Variants in PCDH7 observed in about 807,000 individuals in gnomAD.
PCDH7 encodes protocadherin-7.
A neutral mutation model predicts 58.9 loss-of-function variants in PCDH7; 17 were observed. That is an observed-to-expected ratio of 0.29 (90% CI 0.20 to 0.43). PCDH7 has a LOEUF of 0.43. Among genes scored for constraint, PCDH7 ranks in the 20% least tolerant of loss-of-function variants. The pLI, the probability that PCDH7 is intolerant of heterozygous loss-of-function variation, is 1.00. For missense variants in PCDH7, 1,274 were observed against 1,441.0 expected (o/e 0.88, Z 1.88); for synonymous variants, 664 against 616.4 (o/e 1.08, Z -1.14).
At chr4:30,960,012 T>C (rs1423593897) in intron 3 of PCDH7, among the ~76,000 whole-genome samples, 1 of 151,208 alleles carries the variant, frequency 6.6e-6, no homozygotes, top group Admixed American at 6.6e-5. Context: ...GAAATTATAA[T>C]ACAGTAACCT....
intron 1 of PCDH7, among the ~76,000 whole-genome samples, chr4:30,919,231 A>AATT (rs200194367): frequency 5.2e-5 from 3 of 57,950 alleles, no homozygotes; most frequent in Admixed American, 3.0e-4. Context: ...TGTTTTTCCA[A>AATT]ATTATTATTA....
chr4:31,142,785 C>G (rs764887722), exon 4 of PCDH7: 2 of 1,366,770 alleles, frequency 1.5e-6, no homozygotes, highest in Admixed American at 1.9e-5. Flanking sequence ...ATTCCCCTTA[C>G]AAAAACAGGG....
chr4:30,911,889 A>T (rs573296894), intron 1 of PCDH7, among the ~76,000 whole-genome samples: 104 of 150,436 alleles, frequency 6.9e-4, no homozygotes, highest in African/African-American at 2.5e-3. Context: ...GCTTTTTTTA[A>T]AAAAAAAATT....
At chr4:30,736,578 G>T (rs13143986), downstream of PCDH7, among the ~76,000 whole-genome samples, 1 of 146,822 alleles carries the variant, frequency 6.8e-6, no homozygotes, top group Non-Finnish European at 1.5e-5. Flanking sequence ...CTCTGCCGCC[G>T]GGGCTGGAGT....
intron 1 of PCDH7, among the ~76,000 whole-genome samples, chr4:30,915,758 A>C (rs1327412319): frequency 1.3e-5 from 2 of 152,054 alleles, no homozygotes; most frequent in Non-Finnish European, 2.9e-5. Context: ...TCTTGACCGC[A>C]TGATCCGCCC....
At chr4:30,932,488 G>A (rs577482148) in intron 2 of PCDH7, among the ~76,000 whole-genome samples, 5 of 152,064 alleles carry the variant, frequency 3.3e-5, no homozygotes, top group East Asian at 1.9e-4. Flanking sequence ...GCACTATATC[G>A]ATAAAAAGTC....
chr4:30,771,154 A>T (rs1009497030), intron 1 of PCDH7, among the ~76,000 whole-genome samples: 4 of 152,242 alleles, frequency 2.6e-5, no homozygotes, highest in African/African-American at 9.6e-5. Context: ...AGATGGAAAT[A>T]TTCCTCCACA....
chr4:30,761,593 C>T (rs761026604), intron 1 of PCDH7, among the ~76,000 whole-genome samples: 4 of 152,036 alleles, frequency 2.6e-5, no homozygotes, highest in Non-Finnish European at 5.9e-5. Context: ...TCAATTCTTA[C>T]TAGCCTTGTT....
At chr4:31,090,385 G>A (rs190796264) in intron 3 of PCDH7, among the ~76,000 whole-genome samples, 28 of 152,092 alleles carry the variant, frequency 1.8e-4, no homozygotes, top group African/African-American at 3.9e-4. Context: ...TGGATTATCC[G>A]TCACCTACGG....
Position 31,064,392 on chromosome 4 carries a change from G to A in PCDH7, c.*8-78081G>A, listed in dbSNP as rs140929321. 2.4e-3 allele frequency among the ~76,000 whole-genome samples: 360 copies of A among 152,038 alleles called. 7 individuals carry two copies. Among genetic ancestry groups the A allele is most frequent in the Admixed American group, 0.022 (334 of 15,218 alleles). On this transcript the variant is annotated intron_variant, in intron 3 of 3. Coordinates refer to the PCDH7 transcript ENST00000509759. The stretch of plus-strand genomic sequence containing the variant: ...TAAGTTCTCTCTGTGTTTGTAGGGC[G>A]TGTGTGTCTTTGTATGTGGCAACAA...
At chr4:30,822,754 G>T (rs1728538731) in intron 1 of PCDH7, among the ~76,000 whole-genome samples, 1 of 152,048 alleles carries the variant, frequency 6.6e-6, no homozygotes, top group South Asian at 2.1e-4. Flanking sequence ...ATCTACACAA[G>T]ATCTTAAAAC....
intron 3 of PCDH7, among the ~76,000 whole-genome samples, chr4:31,030,326 C>G (rs1754795204): frequency 6.6e-6 from 1 of 152,112 alleles, no homozygotes; most frequent in Non-Finnish European, 1.5e-5. Context: ...GGATGTTATT[C>G]TTCCTCACAA....
chr4:30,955,293 T>G (rs2109452462), intron 3 of PCDH7, among the ~76,000 whole-genome samples: 1 of 152,040 alleles, frequency 6.6e-6, no homozygotes, highest in Non-Finnish European at 1.5e-5. Context: ...TTTGTGCTTC[T>G]TAGCAGCAGA....
intron 3 of PCDH7, among the ~76,000 whole-genome samples, chr4:31,023,259 G>C (rs1754170931): frequency 6.6e-6 from 1 of 152,174 alleles, no homozygotes; most frequent in Admixed American, 6.5e-5. Flanking sequence ...ATCGCAGTTT[G>C]CATGGAAGCT....
intron 3 of PCDH7, among the ~76,000 whole-genome samples, chr4:31,086,934 A>G (rs530476489): frequency 6.6e-6 from 1 of 152,202 alleles, no homozygotes; most frequent in East Asian, 1.9e-4. Flanking sequence ...CAAGAATACC[A>G]TCTGTTGAAT....
chr4:30,997,193 G>A (rs1414956217), intron 3 of PCDH7, among the ~76,000 whole-genome samples: 2 of 151,996 alleles, frequency 1.3e-5, no homozygotes, highest in Admixed American at 6.6e-5. Context: ...TAATAAAGTG[G>A]TTGAGGAAAA....
chr4:30,827,599 C>G (rs1271593369), intron 1 of PCDH7, among the ~76,000 whole-genome samples: 1 of 152,042 alleles, frequency 6.6e-6, no homozygotes, highest in Non-Finnish European at 1.5e-5. Flanking sequence ...ATGAAATATT[C>G]AATGCATATC....
At chr4:31,005,539 C>T (rs1484028801) in intron 3 of PCDH7, among the ~76,000 whole-genome samples, 1 of 152,184 alleles carries the variant, frequency 6.6e-6, no homozygotes, top group Non-Finnish European at 1.5e-5. Context: ...AATGATTTGC[C>T]AATGTGTTCC....
chr4:31,070,188 A>G (rs558493836), intron 3 of PCDH7, among the ~76,000 whole-genome samples: 1 of 152,196 alleles, frequency 6.6e-6, no homozygotes, highest in East Asian at 1.9e-4. Flanking sequence ...ACGAGAATAA[A>G]TTCTTCATAT....
Sources: gnomAD v4.1 joint callset for allele counts (sites outside exome capture counted in the v4.1 genomes callset) on GRCh38, gnomAD v4.1.1 for gene constraint, MANE v1.5 for transcripts, NCBI Gene and HGNC (gene_info 2026-07-23, HGNC 2026-07-21) for gene names.